The following LRIG3 variants were observed in gnomAD, a reference collection of about 807,000 sequenced individuals.
LRIG3 encodes the protein leucine-rich repeats and immunoglobulin-like domains protein 3.
Under a neutral mutation model 114.5 loss-of-function variants are expected in LRIG3, and 76 were observed. The ratio of observed to expected loss-of-function variants is 0.66; its 90% CI spans 0.55 to 0.80. LRIG3 has a LOEUF of 0.80. LRIG3 is among the 30% of genes least tolerant of loss of function. The pLI, the probability that LRIG3 is intolerant of heterozygous loss-of-function variation, is 0.00. For missense variants in LRIG3, 1,239 were observed against 1,382.8 expected, an observed-to-expected ratio of 0.90 and a Z score of 1.65; for synonymous variants, 512 against 519.8, an observed-to-expected ratio of 0.98 and a Z score of 0.20.
At chr12:58,891,730 A>G (rs1422877046) in intron 3 of LRIG3, among the ~76,000 whole-genome samples, 1 of 152,214 alleles carries the variant, frequency 6.6e-6, no homozygotes, top group Non-Finnish European at 1.5e-5. Context: ...GTATTACATA[A>G]GAAGAACACT....
intron 3 of LRIG3, among the ~76,000 whole-genome samples, chr12:58,896,178 C>T (rs934759707): frequency 2.0e-5 from 3 of 152,140 alleles, no homozygotes; most frequent in Admixed American, 6.5e-5. Flanking sequence ...CTAGTTTGTT[C>T]GGATACTCTT....
In LRIG3 at chr12:58,920,118, C is replaced by G; in HGVS notation, c.118G>C (p.Gly40Arg). ...GGRGELGQPSGVAAERPCPTT... is the reference protein window; with the variant it reads ...GGRGELGQPSRVAAERPCPTT... ...GGGCATGGGCGCTCGGCGGCTACCC[C>G]AGAGGGCTGCCCGAGTTCCCCGCGA... Residue 40 changes from glycine to arginine, a missense_variant, in exon 1 of 19, where the codon GGG becomes CGG. Gly to Arg is a moderately radical substitution (Grantham distance 125, BLOSUM62 -2). Coordinates refer to ENST00000320743, the MANE Select transcript of LRIG3 (RefSeq NM_153377.5). 1 of 1,548,498 alleles carries G rather than the reference C, an allele frequency of 6.5e-7. No individual in the cohort carries two copies. Among genetic ancestry groups the G allele is most frequent in the Middle Eastern group, 1.9e-4 (1 of 5,216 alleles).
rs767475505 is a variant in LRIG3, at chr12:58,886,894, A to C, written c.1092-4T>G. 1.3e-5 allele frequency: 21 copies of C among 1,610,726 alleles called. No individual in the cohort carries two copies. The highest frequency in any genetic ancestry group is 1.7e-5 in the Non-Finnish European group (20 of 1,177,266). ...AATTTCATTGTTCTTCAGATCCCTA[A>C]TTTTAAAAGAAGCATTCCCTTTAGA... On this transcript the variant is annotated splice_region_variant and splice_polypyrimidine_tract_variant and intron_variant, in intron 8 of 18. Transcript: ENST00000320743.
chr12:58,910,611 AAAAAACAAAAAC>A (rs1300025966), intron 3 of LRIG3, among the ~76,000 whole-genome samples: 2 of 152,190 alleles, frequency 1.3e-5, no homozygotes, highest in Non-Finnish European at 2.9e-5. Flanking sequence ...CCGTCTCAAA[AAAAAACAAAAAC>A]AAAAACAAAA....
chr12:58,875,246 T>TA (rs1424520130), intron 16 of LRIG3, among the ~76,000 whole-genome samples: 2 of 152,210 alleles, frequency 1.3e-5, no homozygotes, highest in Non-Finnish European at 2.9e-5. Flanking sequence ...TCTGTCCCTT[T>TA]AGGTTTTCCT....
At position 58,880,825 on chromosome 12, in the gene LRIG3, G is replaced by C. The variant is rs771075384; in HGVS notation, c.1557C>G (p.Ile519Met). The change falls in exon 13 of 19, where the codon ATC becomes ATG. Residue 519 changes from isoleucine (I) to methionine (M), a missense_variant. Transcript: ENST00000320743. ...AATCACTGCTGCTGGCAGCTGAGCAGATGAAACTCAAATTGGAACCTTTTA... is the reference window on the plus strand; with the variant it reads ...AATCACTGCTGCTGGCAGCTGAGCACATGAAACTCAAATTGGAACCTTTTA... Reference protein sequence around the residue: ...SAIKGSNLSFICSAASSSDSP... With the variant: ...SAIKGSNLSFMCSAASSSDSP... 2.5e-6 allele frequency: 4 copies of C among 1,614,098 alleles called. No homozygotes were observed. The African/African-American group carries it at 4.0e-5, about 16-fold the overall frequency.
rs148071690 is a variant in LRIG3 at position 58,875,651 on chromosome 12, T to C, written c.2695+794A>G. Among the ~76,000 whole-genome samples the C allele has an allele frequency of 1.8e-4, 27 of 152,352 alleles. 1 individual carries two copies. Among genetic ancestry groups the C allele is most frequent in the African/African-American group, 6.3e-4 (26 of 41,586 alleles). ...TGTGCCCCACAGTACATGCAGTAAG[T>C]AGTAGGTCTTGTACCAAACCTGTGC... is the stretch of plus-strand genomic sequence containing the variant. On this transcript the variant is annotated intron_variant, in intron 16 of 18. Transcript: ENST00000320743.
chr12:58,890,809 G>T lies in LRIG3; in HGVS notation c.384-13C>A, dbSNP rs373489164. 1.4e-5 allele frequency: 23 copies of T among 1,595,830 alleles called. No individual in the cohort carries two copies. In the African/African-American group the frequency reaches 2.8e-4, roughly 20 times the overall value. ...CCTGTTTCCAGCCCTAGAATTAAAA[G>T]AAACCACAGTTAACAAGGTTAACGG... On this transcript the variant is annotated splice_polypyrimidine_tract_variant and intron_variant, in intron 3 of 18. Transcript: ENST00000320743.
intron 18 of LRIG3, among the ~76,000 whole-genome samples, chr12:58,873,398 CCTT>C (rs1870801744): frequency 6.6e-6 from 1 of 152,110 alleles, no homozygotes. Context: ...TGAAAATTCT[CCTT>C]TTTTAAATTT....
intron 14 of LRIG3, 57 bp from the exon 15 acceptor site, chr12:58,877,909 A>C: frequency 6.8e-7 from 1 of 1,480,630 alleles, no homozygotes; most frequent in Non-Finnish European, 9.1e-7. Flanking sequence ...TCCATATCAT[A>C]AAATGTAGCA....
intron 3 of LRIG3, among the ~76,000 whole-genome samples, chr12:58,900,415 C>T (rs1344515954): frequency 6.6e-6 from 1 of 151,550 alleles, no homozygotes; most frequent in East Asian, 1.9e-4. Flanking sequence ...TTTCTCTTTG[C>T]TCCCGTTGGT....
intron 16 of LRIG3, 46 bp downstream of exon 16, chr12:58,876,399 T>C: frequency 6.3e-7 from 1 of 1,593,652 alleles, no homozygotes; most frequent in East Asian, 2.2e-5. Context: ...CCTTCCACCA[T>C]ATGACTTCAA....
At chr12:58,873,984 T>G in intron 18 of LRIG3, 71 bp downstream of exon 18, 2 of 1,536,266 alleles carry the variant, frequency 1.3e-6, no homozygotes, top group Non-Finnish European at 1.8e-6. Context: ...TTCAAGGCTG[T>G]CATTGCTCTC....
Position 58,920,375 on chromosome 12 carries a change from C to A in LRIG3, c.-140G>T. 1 of 549,260 alleles carries A rather than the reference C, an allele frequency of 1.8e-6. No individual in the cohort carries two copies. Among genetic ancestry groups the A allele is most frequent in the Non-Finnish European group, 2.8e-6 (1 of 353,928 alleles). The allele number at this position is 549,260 out of a possible 1,614,324, so 34.0% of individuals were successfully genotyped here. On this transcript the variant is annotated 5_prime_UTR_variant, in exon 1 of 19. It adds an upstream start codon to the 5' untranslated region. Coordinates refer to ENST00000320743, the MANE Select transcript of LRIG3 (RefSeq NM_153377.5). ...CTCCCTCGCGCTGCCCGGTCAATTC[C>A]TTCTTTTACTCCCGGCGGCGAAGCC...
chr12:58,886,215 C>T (rs1871271729), intron 9 of LRIG3, among the ~76,000 whole-genome samples: 1 of 152,006 alleles, frequency 6.6e-6, no homozygotes, highest in African/African-American at 2.4e-5. Flanking sequence ...TGTCTCAGAA[C>T]ACTAACAAAG....
chr12:58,897,682 A>G (rs1351246429), intron 3 of LRIG3, among the ~76,000 whole-genome samples: 1 of 152,246 alleles, frequency 6.6e-6, no homozygotes, highest in Non-Finnish European at 1.5e-5. Context: ...TATAAATTCA[A>G]TCTAGTCCTT....
chr12:58,899,391 C>T (rs535937064), intron 3 of LRIG3, among the ~76,000 whole-genome samples: 2 of 152,212 alleles, frequency 1.3e-5, no homozygotes, highest in Admixed American at 1.3e-4. Context: ...CTTTTTAGTT[C>T]ATCTTCCGAT....
chr12:58,886,889 C>T lies in LRIG3; in HGVS notation c.1093G>A (p.Asp365Asn). Residue 365 changes from aspartate (D) to asparagine (N), a missense_variant and splice_region_variant, in exon 9 of 19, where the codon GAT becomes AAT. Asp to Asn is a conservative substitution (Grantham distance 23). Transcript: ENST00000320743. ...FRGLSSLKTL[D>N]LKNNEISWTI... is the part of the protein sequence containing the mutation. The stretch of plus-strand genomic sequence containing the variant: ...CAGGAAATTTCATTGTTCTTCAGAT[C>T]CCTAATTTTAAAAGAAGCATTCCCT... 6.2e-7 allele frequency: 1 copy of T among 1,612,174 alleles called. No individual in the cohort carries two copies. The highest frequency in any genetic ancestry group is 1.1e-5 in the South Asian group (1 of 90,982).
chr12:58,886,004 A>C, intron 9 of LRIG3, 102 bp from the exon 10 acceptor site: 1 of 525,442 alleles, frequency 1.9e-6, no homozygotes, highest in Admixed American at 2.7e-5. Flanking sequence ...GAGCAATTCC[A>C]TTTTCTTCAA....
Sources: allele counts gnomAD v4.1 joint callset (sites outside exome capture counted in the v4.1 genomes callset), GRCh38; gene constraint gnomAD v4.1.1; transcripts MANE v1.5; gene names NCBI Gene and HGNC (gene_info 2026-07-23, HGNC 2026-07-21).